LAMB1: variants seen among roughly 807,000 people sequenced by gnomAD.
LAMB1 encodes the protein laminin subunit beta-1.
Under a neutral mutation model 222.3 loss-of-function variants are expected in LAMB1, and 121 were observed. The observed-to-expected ratio is 0.54, with a 90% CI of 0.47 to 0.63. The LOEUF (loss-of-function observed/expected upper bound fraction) is 0.63, where lower values mean the gene tolerates loss of function less well. Among genes scored for constraint, LAMB1 ranks in the 30% least tolerant of loss-of-function variants. The pLI is 0.00. For missense variants in LAMB1, 2,172 were observed against 2,240.8 expected, an observed-to-expected ratio of 0.97 and a Z score of 0.62; for synonymous variants, 794 against 807.2, an observed-to-expected ratio of 0.98 and a Z score of 0.28.
At chr7:107,950,286 A>C (rs2033213669) in intron 24 of LAMB1, among the ~76,000 whole-genome samples, 1 of 152,234 alleles carries the variant, frequency 6.6e-6, no homozygotes, top group African/African-American at 2.4e-5. Context: ...ATGTGCAACA[A>C]ATATACGAAA....
chr7:107,951,600 G>C (rs1295187825), intron 23 of LAMB1, among the ~76,000 whole-genome samples: 1 of 152,110 alleles, frequency 6.6e-6, no homozygotes, highest in African/African-American at 2.4e-5. Flanking sequence ...CCACAATCCT[G>C]GGCCACCTTT....
intron 27 of LAMB1, among the ~76,000 whole-genome samples, chr7:107,932,875 A>G (rs879503892): frequency 1.3e-5 from 2 of 152,210 alleles, no homozygotes; most frequent in Non-Finnish European, 1.5e-5. Flanking sequence ...TTCCACATAA[A>G]ATAGCCAAGA....
Position 107,966,098 on chromosome 7 carries a change from A to AAAAT in LAMB1, c.1563-1415_1563-1412dup, listed in dbSNP as rs540028007. On this transcript the variant is annotated intron_variant, in intron 13 of 33. Coordinates refer to ENST00000222399, the MANE Select transcript of LAMB1 (RefSeq NM_002291.3). Reference sequence around the variant, plus strand: ...GGGTGACAGAGTGAGACTTCATCTCAAAATAAATAAATAAATAAATAAAAT... The same window carrying AAAAT: ...GGGTGACAGAGTGAGACTTCATCTCAAAATAAATAAATAAATAAATAAATAAAAT... Among the ~76,000 whole-genome samples, 93 of 152,196 alleles carry AAAAT rather than the reference A, an allele frequency of 6.1e-4. 1 individual carries two copies. The highest frequency in any genetic ancestry group is 1.0e-3 in the Non-Finnish European group (71 of 67,990).
At chr7:107,949,005 G>T (rs1223335035) in intron 24 of LAMB1, among the ~76,000 whole-genome samples, 4 of 152,176 alleles carry the variant, frequency 2.6e-5, no homozygotes, top group African/African-American at 9.7e-5. Flanking sequence ...AGAATACTTA[G>T]TTTCTGTTTT....
At chr7:107,945,763 T>A (rs1024166986) in intron 24 of LAMB1, among the ~76,000 whole-genome samples, 1 of 152,232 alleles carries the variant, frequency 6.6e-6, no homozygotes, top group Non-Finnish European at 1.5e-5. Context: ...AAGGATAAAA[T>A]TAAGAATACT....
intron 24 of LAMB1, 51 bp downstream of exon 24, chr7:107,951,175 C>T (rs368226846): frequency 2.2e-6 from 3 of 1,364,440 alleles, no homozygotes; most frequent in African/African-American, 1.4e-5. Context: ...TGTAGAACCC[C>T]AGTTCCCTCC....
intron 9 of LAMB1, among the ~76,000 whole-genome samples, chr7:107,977,304 G>A (rs911059999): frequency 2.6e-4 from 39 of 152,116 alleles, no homozygotes; most frequent in Admixed American, 7.2e-4. Context: ...GTGGAGTGGG[G>A]AGGGGCAGTG....
At chr7:107,990,213 A>G (rs185481698) in intron 5 of LAMB1, among the ~76,000 whole-genome samples, 17 of 151,776 alleles carry the variant, frequency 1.1e-4, no homozygotes, top group South Asian at 8.3e-4. Flanking sequence ...TAATTTTTTA[A>G]TTTTTTGTAG....
At chr7:107,947,523 A>C (rs905770671) in intron 24 of LAMB1, among the ~76,000 whole-genome samples, 1 of 152,174 alleles carries the variant, frequency 6.6e-6, no homozygotes, top group East Asian at 1.9e-4. Flanking sequence ...TCGTGAATGC[A>C]TTCCAGCACA....
intron 5 of LAMB1, among the ~76,000 whole-genome samples, chr7:107,992,911 G>A (rs2034212388): frequency 6.6e-6 from 1 of 152,066 alleles, no homozygotes; most frequent in Non-Finnish European, 1.5e-5. Flanking sequence ...ACAAAAAACA[G>A]AGGGGAACAG....
At chr7:107,975,155 A>G (rs2150438545) in intron 11 of LAMB1, 57 bp from the exon 12 acceptor site, 1 of 1,555,886 alleles carries the variant, frequency 6.4e-7, no homozygotes, top group Non-Finnish European at 8.9e-7. Flanking sequence ...TCAAATAATA[A>G]TCTGGCTTTG....
At chr7:107,937,349 A>G (rs539686829) in intron 25 of LAMB1, 72 bp from the exon 26 acceptor site, 167 of 1,192,618 alleles carry the variant, frequency 1.4e-4, no homozygotes, top group Non-Finnish European at 2.0e-4. Flanking sequence ...CATATTTTCT[A>G]CTAGTACTGT....
chr7:107,941,777 G>T (rs2032987152), intron 24 of LAMB1, among the ~76,000 whole-genome samples: 1 of 133,500 alleles, frequency 7.5e-6, no homozygotes, highest in African/African-American at 2.8e-5. Context: ...CCCTGCCTCA[G>T]CCTCCCGAGT....
intron 5 of LAMB1, among the ~76,000 whole-genome samples, chr7:107,991,244 T>C (rs890816114): frequency 2.0e-5 from 3 of 152,136 alleles, no homozygotes; most frequent in Non-Finnish European, 2.9e-5. Context: ...AATCACCTCA[T>C]AGTGGCAAAT....
At chr7:107,988,399 C>G (rs2034120382) in intron 5 of LAMB1, among the ~76,000 whole-genome samples, 1 of 152,044 alleles carries the variant, frequency 6.6e-6, no homozygotes, top group Admixed American at 6.5e-5. Context: ...TTGGGAGTCA[C>G]TGCACACACA....
chr7:107,962,949 G>A lies in LAMB1; in HGVS notation c.1813C>T (p.Pro605Ser), dbSNP rs2033542698. ...AGGATGTCGTACTCCATGGAATATG[G>A]TATGTTGTCAATGAAAAACTCCAAA... The part of the protein sequence containing the change: ...AYLEFFIDNI[P>S]YSMEYDILIR... The change falls in exon 15 of 34, where the codon CCA becomes TCA. Residue 605 changes from proline (P) to serine (S), a missense_variant. Coordinates refer to ENST00000222399, the MANE Select transcript of LAMB1 (RefSeq NM_002291.3). The A allele has an allele frequency of 9.9e-6, 16 of 1,613,986 alleles. No individual in the cohort carries two copies. Among genetic ancestry groups the A allele is most frequent in the Non-Finnish European group, 1.1e-5 (13 of 1,179,968 alleles).
At chr7:107,928,274 A>C (rs777540971) in intron 31 of LAMB1, among the ~76,000 whole-genome samples, 1 of 152,178 alleles carries the variant, frequency 6.6e-6, no homozygotes, top group African/African-American at 2.4e-5. Context: ...TTGTTTAGCT[A>C]TAAGTGCTCT....
At chr7:107,973,097 A>C (rs757524024) in intron 12 of LAMB1, 26 bp from the exon 13 acceptor site, 1 of 1,590,754 alleles carries the variant, frequency 6.3e-7, no homozygotes, top group South Asian at 1.1e-5. Context: ...TGAAACATGT[A>C]ACGGTAGGTT....
chr7:107,953,788 A>G, intron 21 of LAMB1, 34 bp from the exon 22 acceptor site: 1 of 1,592,382 alleles, frequency 6.3e-7, no homozygotes, highest in Non-Finnish European at 8.6e-7. Context: ...CAAGATGTTT[A>G]GCTTATTGAC....
Sources: allele counts gnomAD v4.1 joint callset (sites outside exome capture counted in the v4.1 genomes callset), GRCh38; gene constraint gnomAD v4.1.1; transcripts MANE v1.5; gene names NCBI Gene and HGNC (gene_info 2026-07-23, HGNC 2026-07-21).